The following MROH9 variants were observed in gnomAD, a reference collection of about 807,000 sequenced individuals.
The protein encoded by MROH9 is maestro heat like repeat family member 9.
Under a neutral mutation model 98.2 loss-of-function variants are expected in MROH9, and 92 were observed. That is an observed-to-expected ratio of 0.94 (90% CI 0.79 to 1.11). The LOEUF is 1.11. Ranked by LOEUF, MROH9 falls within the 50% of genes most tolerant of loss-of-function variation. MROH9 has a pLI of 0.00. For synonymous variants in MROH9, 397 were observed against 368.9 expected, an observed-to-expected ratio of 1.08 and a Z score of -0.87; for missense variants, 1,057 against 1,014.8, an observed-to-expected ratio of 1.04 and a Z score of -0.57.
At chr1:171,054,267 T>C (rs1488995305) in intron 20 of MROH9, among the ~76,000 whole-genome samples, 1 of 152,068 alleles carries the variant, frequency 6.6e-6, no homozygotes, top group African/African-American at 2.4e-5. Context: ...CAAACAAAAA[T>C]ATAAAGTGGG....
At position 171,024,494 on chromosome 1, in the gene MROH9, G is replaced by A; in HGVS notation, c.2008G>A (p.Gly670Ser). Residue 670 changes from glycine to serine, a missense_variant, in exon 18 of 22, where the codon GGC (glycine) becomes AGC (serine). Physicochemically the swap from Gly to Ser is moderately conservative, Grantham distance 56 (BLOSUM62 0). Transcript: ENST00000367759. ...GATGGTGAATGATGTGGTTCTAGAA[G>A]GCTTGGTGCCCCTAATCCTATTTTT... is the stretch of plus-strand genomic sequence containing the variant. ...TWMVNDVVLE[G>S]LVPLILFLED... is the part of the protein sequence containing the mutation. 1 of 1,547,380 alleles carries A rather than the reference G, an allele frequency of 6.5e-7. No homozygotes were observed. The highest frequency in any genetic ancestry group is 2.4e-5 in the East Asian group (1 of 40,870).
intron 20 of MROH9, among the ~76,000 whole-genome samples, chr1:171,036,836 C>T (rs1653114190): frequency 6.7e-6 from 1 of 149,620 alleles, no homozygotes; most frequent in South Asian, 2.1e-4. Flanking sequence ...AAAACGAAAC[C>T]CAAAGAATAC....
intron 1 of MROH9, among the ~76,000 whole-genome samples, 172 bp from the exon 2 acceptor site, chr1:170,945,348 T>G (rs931458457): frequency 6.6e-6 from 1 of 152,066 alleles, no homozygotes; most frequent in Non-Finnish European, 1.5e-5. Context: ...CTACAGACAC[T>G]GAAATAACAA....
At chr1:171,024,347 G>GA (rs1323689322) in intron 17 of MROH9, 48 bp from the exon 18 acceptor site, 2 of 1,361,902 alleles carry the variant, frequency 1.5e-6, no homozygotes, top group Non-Finnish European at 2.0e-6. Context: ...ACTGATTGAA[G>GA]AAAAAAGCCC....
At chr1:171,044,654 T>C (rs1653406761) in intron 20 of MROH9, among the ~76,000 whole-genome samples, 4 of 152,172 alleles carry the variant, frequency 2.6e-5, no homozygotes, top group African/African-American at 9.6e-5. Context: ...GTTATTGGTC[T>C]TTTCAGATTT....
intron 8 of MROH9, among the ~76,000 whole-genome samples, chr1:170,980,541 T>C (rs1650890976): frequency 6.6e-6 from 1 of 152,152 alleles, no homozygotes; most frequent in South Asian, 2.1e-4. Context: ...GTTTAATAAA[T>C]GGTGCTGGAA....
At chr1:170,989,791 G>A (rs979244366) in intron 10 of MROH9, 64 bp from the exon 11 acceptor site, 9 of 1,411,866 alleles carry the variant, frequency 6.4e-6, no homozygotes, top group Admixed American at 4.1e-5. Flanking sequence ...TCCAAGAAAT[G>A]CCTTGGTTTA....
intron 20 of MROH9, among the ~76,000 whole-genome samples, chr1:171,046,415 G>A (rs1390676153): frequency 1.3e-5 from 2 of 151,694 alleles, no homozygotes; most frequent in African/African-American, 4.8e-5. Context: ...ATTTTCTCTG[G>A]CAGTATAATT....
At chr1:170,944,747 A>G (rs1202253975) in intron 1 of MROH9, among the ~76,000 whole-genome samples, 1 of 152,074 alleles carries the variant, frequency 6.6e-6, no homozygotes, top group African/African-American at 2.4e-5. Context: ...TACAATAATT[A>G]TGAAAATCTA....
intron 20 of MROH9, among the ~76,000 whole-genome samples, chr1:171,052,766 C>T (rs1479606968): frequency 6.6e-6 from 1 of 152,160 alleles, no homozygotes; most frequent in Admixed American, 6.5e-5. Flanking sequence ...GAAAGTGCCA[C>T]AGCACCAAGA....
intron 1 of MROH9, among the ~76,000 whole-genome samples, chr1:170,939,913 G>A (rs1184385157): frequency 2.6e-5 from 4 of 152,184 alleles, no homozygotes; most frequent in African/African-American, 9.7e-5. Context: ...GCCAAAGGCT[G>A]AAAAGAGCAT....
chr1:170,981,831 A>G (rs1222370468), intron 8 of MROH9, among the ~76,000 whole-genome samples: 1 of 152,140 alleles, frequency 6.6e-6, no homozygotes, highest in East Asian at 1.9e-4. Context: ...ATAGCAAAGG[A>G]GCAAATCAAA....
At chr1:170,973,225 A>G (rs1327107668) in intron 8 of MROH9, among the ~76,000 whole-genome samples, 1 of 152,206 alleles carries the variant, frequency 6.6e-6, no homozygotes, top group Non-Finnish European at 1.5e-5. Flanking sequence ...CATGCATGCA[A>G]GTAAACTGCC....
chr1:170,961,203 A>G (rs999884960), intron 5 of MROH9, among the ~76,000 whole-genome samples: 20 of 152,246 alleles, frequency 1.3e-4, no homozygotes, highest in Admixed American at 9.2e-4. Context: ...ATTACATTCT[A>G]AAAGACAGTG....
chr1:170,965,241 A>G lies in MROH9; in HGVS notation c.466A>G (p.Lys156Glu), dbSNP rs1301591893. The G allele has an allele frequency of 2.5e-6, 4 of 1,607,138 alleles. No homozygotes were observed. Among genetic ancestry groups the G allele is most frequent in the African/African-American group, 1.3e-5 (1 of 74,762 alleles). Residue 156 changes from lysine (K) to glutamate (E), a missense_variant, in exon 7 of 22, where the codon AAA (lysine) becomes GAA (glutamate). Transcript: ENST00000367759. ...CAAGGTGTTAAGATTTACAGTCACAAAAGTCAGAAAATACGTAAGTCACAG... is the reference window on the plus strand; with the variant it reads ...CAAGGTGTTAAGATTTACAGTCACAGAAGTCAGAAAATACGTAAGTCACAG... ...INKVLRFTVT[K>E]VRKYISVDAP...
At chr1:171,016,093 A>G (rs1482448083) in intron 16 of MROH9, 70 bp from the exon 17 acceptor site, 15 of 1,059,468 alleles carry the variant, frequency 1.4e-5, no homozygotes, top group Non-Finnish European at 1.7e-5. Context: ...GACTCAAGGT[A>G]TCCATATAAA....
In MROH9 at chr1:170,953,801, GGA is replaced by G. The variant is rs1208201194; in HGVS notation, c.73-4645_73-4644del. Among the ~76,000 whole-genome samples the G allele has an allele frequency of 4.6e-4, 66 of 144,782 alleles. No individual in the cohort carries two copies. The South Asian group carries it at 8.1e-3, about 18-fold the overall frequency. 95.0% of individuals were successfully genotyped at this position (144,782 alleles called of 152,430 possible). ...GAGAGAGGGAGGGGAGGGAGGAGAG[GGA>G]GAGAGAGAGAGAGATGAAAGAAAGA... On this transcript the variant is annotated intron_variant, in intron 3 of 21. Coordinates refer to ENST00000367759, the MANE Select transcript of MROH9 (RefSeq NM_001163629.2).
At chr1:170,987,700 A>G (rs61816054) in intron 10 of MROH9, among the ~76,000 whole-genome samples, 1,832 of 152,310 alleles carry the variant, frequency 0.012, 16 homozygotes, top group Non-Finnish European at 0.02. Flanking sequence ...CACAGCTCAC[A>G]CATGCATACG....
intron 8 of MROH9, among the ~76,000 whole-genome samples, chr1:170,979,994 C>T (rs1650863598): frequency 6.6e-6 from 1 of 152,008 alleles, no homozygotes; most frequent in Non-Finnish European, 1.5e-5. Context: ...ACAATCGCTA[C>T]AAAGAGAATA....
Sources: allele counts gnomAD v4.1 joint callset (sites outside exome capture counted in the v4.1 genomes callset), GRCh38; gene constraint gnomAD v4.1.1; transcripts MANE v1.5; gene names NCBI Gene and HGNC (gene_info 2026-07-23, HGNC 2026-07-21).